ENOX1: variants seen among roughly 807,000 people sequenced by gnomAD.
ENOX1 encodes the protein candidate growth-related and time keeping constitutive hydroquinone (NADH) oxidase.
In ENOX1, 42 loss-of-function variants were observed where a neutral mutation model predicts 82.5. That is an observed-to-expected ratio of 0.51 (90% CI 0.40 to 0.66). ENOX1 has a LOEUF of 0.66. Among genes scored for constraint, ENOX1 ranks in the 30% least tolerant of loss-of-function variants. ENOX1 has a pLI of 0.00. For missense variants in ENOX1, 608 were observed against 811.6 expected, an observed-to-expected ratio of 0.75 and a Z score of 3.05; for synonymous variants, 271 against 282.2, an observed-to-expected ratio of 0.96 and a Z score of 0.40.
In ENOX1 at chr13:43,361,373, G is replaced by A; in HGVS notation, c.288C>T (p.Gly96=). 1 of 1,613,608 alleles carries A rather than the reference G, an allele frequency of 6.2e-7. No individual in the cohort carries two copies. Among genetic ancestry groups the A allele is most frequent in the Non-Finnish European group, 8.5e-7 (1 of 1,179,898 alleles). The change falls in exon 6 of 17, where the codon GGC becomes GGT. Residue 96 remains glycine, a synonymous_variant. Coordinates refer to ENST00000690772, the MANE Select transcript of ENOX1 (RefSeq NM_001347969.2). ...GITPINPMIP[G]LGLVPPPPPT... is the part of the protein sequence containing the mutation. The stretch of plus-strand genomic sequence containing the variant: ...GTGGTGGGGGAGGTACCAGTCCAAG[G>A]CCTGGTATCATTGGGTTAATGGGGG...
chr13:43,683,591 C>T (rs758799914), intron 1 of ENOX1, among the ~76,000 whole-genome samples: 1 of 152,066 alleles, frequency 6.6e-6, no homozygotes, highest in African/African-American at 2.4e-5. Context: ...AAACTGGAGG[C>T]TCAACCAGGC....
At chr13:43,559,215 C>A (rs1180131911) in intron 2 of ENOX1, among the ~76,000 whole-genome samples, 1 of 152,208 alleles carries the variant, frequency 6.6e-6, no homozygotes, top group Non-Finnish European at 1.5e-5. Flanking sequence ...CTATGGCCTG[C>A]TGAATCCTCA....
chr13:43,607,303 A>G (rs1052198506), intron 2 of ENOX1, among the ~76,000 whole-genome samples: 1 of 152,110 alleles, frequency 6.6e-6, no homozygotes, highest in Non-Finnish European at 1.5e-5. Context: ...GTGTGCATAC[A>G]GAGTTTGTGC....
At chr13:43,322,793 T>C (rs1008222105) in intron 10 of ENOX1, among the ~76,000 whole-genome samples, 1 of 152,176 alleles carries the variant, frequency 6.6e-6, no homozygotes, top group Non-Finnish European at 1.5e-5. Context: ...AACATCCACC[T>C]AATAGGGCTG....
intron 2 of ENOX1, among the ~76,000 whole-genome samples, chr13:43,595,735 C>A (rs4126749): frequency 0.1 from 15,282 of 152,132 alleles, 795 homozygotes; most frequent in Admixed American, 0.12. Context: ...TAGAAAATAT[C>A]TATATACAAT....
At chr13:43,699,609 G>C (rs2086812946) in intron 1 of ENOX1, among the ~76,000 whole-genome samples, 1 of 152,116 alleles carries the variant, frequency 6.6e-6, no homozygotes, top group African/African-American at 2.4e-5. Flanking sequence ...AATGCTACTA[G>C]GTTTGCATAC....
At chr13:43,547,543 G>C (rs1293432582) in intron 2 of ENOX1, 1 of 152,168 alleles carries the variant, frequency 6.6e-6, no homozygotes, top group Non-Finnish European at 1.5e-5. Flanking sequence ...ATCTGAAAGT[G>C]AACTTTCTAC....
rs61671392 is a variant in ENOX1 at position 43,718,676 on chromosome 13, CAAAAAAAAAAAAAAAAAA to C, written c.-284-51150_-284-51133del. The stretch of plus-strand genomic sequence containing the variant: ...TGGGAGACAAAGCAAGACTCCGTCT[CAAAAAAAAAAAAAAAAAA>C]AAAAAAAAAAAAAAATTAGAATCAT... On this transcript the variant is annotated intron_variant, in intron 1 of 16. Transcript: ENST00000690772. Among the ~76,000 whole-genome samples, 11 of 55,594 alleles carry C rather than the reference CAAAAAAAAAAAAAAAAAA, an allele frequency of 2.0e-4. No homozygotes were observed. In the South Asian group the frequency reaches 3.0e-3, roughly 15 times the overall value. The allele number at this position is 55,594 out of a possible 152,430, so 36.5% of individuals were successfully genotyped here. A position where few individuals can be genotyped will look rare whatever the true frequency, so the allele number is the denominator to read the frequency against.
intron 16 of ENOX1, among the ~76,000 whole-genome samples, chr13:43,217,008 C>A (rs1476377200): frequency 6.6e-6 from 1 of 152,082 alleles, no homozygotes; most frequent in African/African-American, 2.4e-5. Flanking sequence ...AATAATTTAC[C>A]AATAAGAAAA....
At chr13:43,749,908 C>A (rs758439499) in intron 1 of ENOX1, among the ~76,000 whole-genome samples, 2 of 152,154 alleles carry the variant, frequency 1.3e-5, no homozygotes, top group Non-Finnish European at 2.9e-5. Flanking sequence ...ACATATAAGA[C>A]AATGAATATT....
intron 2 of ENOX1, among the ~76,000 whole-genome samples, chr13:43,561,835 C>A (rs1005465532): frequency 1.3e-5 from 2 of 152,002 alleles, no homozygotes; most frequent in African/African-American, 4.8e-5. Context: ...CAAAAATTAG[C>A]CAGGCGTGAT....
intron 1 of ENOX1, among the ~76,000 whole-genome samples, chr13:43,685,074 C>A (rs553616011): frequency 2.3e-4 from 35 of 152,288 alleles, no homozygotes; most frequent in African/African-American, 8.4e-4. Flanking sequence ...TCCTCGATTT[C>A]CCAGGATCCC....
chr13:43,413,396 C>T (rs920712218), intron 3 of ENOX1, among the ~76,000 whole-genome samples: 2 of 151,940 alleles, frequency 1.3e-5, no homozygotes, highest in East Asian at 3.9e-4. Context: ...TTAATTGATG[C>T]TGTTACTTTG....
In ENOX1 at chr13:43,412,774, G is replaced by A. The variant is rs914139505; in HGVS notation, c.70+71C>T. The stretch of plus-strand genomic sequence containing the variant: ...CCTGGTTCAATGCATATTTTTCAAG[G>A]TGGGGCAAGCTTTTCCACTAAGAAC... On this transcript the variant is annotated intron_variant, in intron 4 of 16. Transcript: ENST00000690772. The A allele has an allele frequency of 1.1e-5, 17 of 1,580,590 alleles. No individual in the cohort carries two copies. In the East Asian group the frequency reaches 2.5e-4, roughly 23 times the overall value.
intron 12 of ENOX1, among the ~76,000 whole-genome samples, chr13:43,283,278 T>C (rs2045504983): frequency 6.6e-6 from 1 of 152,136 alleles, no homozygotes; most frequent in African/African-American, 2.4e-5. Context: ...TTTTTAATAC[T>C]GTTTTTAGGT....
At chr13:43,523,036 T>C (rs1353507017) in intron 2 of ENOX1, among the ~76,000 whole-genome samples, 1 of 152,144 alleles carries the variant, frequency 6.6e-6, no homozygotes, top group Non-Finnish European at 1.5e-5. Flanking sequence ...GAATGACTCA[T>C]TTTAATTTCT....
At chr13:43,367,858 C>A (rs2050954126) in intron 5 of ENOX1, among the ~76,000 whole-genome samples, 1 of 151,982 alleles carries the variant, frequency 6.6e-6, no homozygotes, top group Non-Finnish European at 1.5e-5. Flanking sequence ...AAAAGGTATC[C>A]CCAAAATACA....
chr13:43,574,375 A>G (rs2080322297), intron 2 of ENOX1, among the ~76,000 whole-genome samples: 1 of 152,190 alleles, frequency 6.6e-6, no homozygotes, highest in African/African-American at 2.4e-5. Context: ...GTAAAAGTGC[A>G]GTATTGTCAG....
At chr13:43,307,458 C>T (rs1052941540) in intron 11 of ENOX1, among the ~76,000 whole-genome samples, 2 of 152,192 alleles carry the variant, frequency 1.3e-5, no homozygotes, top group African/African-American at 4.8e-5. Flanking sequence ...ATTTTAGAGC[C>T]ACCTCCCTGG....
Sources: allele counts gnomAD v4.1 joint callset (sites outside exome capture counted in the v4.1 genomes callset), GRCh38; gene constraint gnomAD v4.1.1; transcripts MANE v1.5; gene names NCBI Gene and HGNC (gene_info 2026-07-23, HGNC 2026-07-21).